Variants in VSIG1 observed in about 807,000 individuals in gnomAD.
VSIG1 encodes V-set and immunoglobulin domain-containing protein 1.
In VSIG1, 11 loss-of-function variants were observed where a neutral mutation model predicts 20.1. The ratio of observed to expected loss-of-function variants is 0.55; its 90% CI spans 0.34 to 0.91. VSIG1 has a LOEUF of 0.91. Ranked by LOEUF, VSIG1 falls within the 40% of genes least tolerant of loss-of-function variation. The probability of loss-of-function intolerance (pLI) is 0.02; values close to 1 mark genes in which losing one functional copy is unlikely to be tolerated. For missense variants in VSIG1, 283 were observed against 298.8 expected, an observed-to-expected ratio of 0.95 and a Z score of 0.39; for synonymous variants, 126 against 116.7, an observed-to-expected ratio of 1.08 and a Z score of -0.52.
At position 108,047,957 on chromosome X, in the gene VSIG1, CACACATATAT is replaced by C. The variant is rs1209350577; in HGVS notation, c.49+2780_49+2789del. Among the ~76,000 whole-genome samples the C allele has an allele frequency of 7.3e-3, 188 of 25,871 alleles. 2 individuals carry two copies. Among genetic ancestry groups the C allele is most frequent in the African/African-American group, 9.5e-3 (35 of 3,679 alleles). The allele number at this position is 25,871 out of a possible 115,157, so 22.5% of individuals were successfully genotyped here. On this transcript the variant is annotated intron_variant, in intron 1 of 6. Coordinates refer to ENST00000217957, the MANE Select transcript of VSIG1 (RefSeq NM_182607.5). ...ATACACATATATATATATATATACA[CACACATATAT>C]ATATATATATATATATATATATATA...
chrX:108,076,275 T>C (rs1268814477), intron 6 of VSIG1, 57 bp downstream of exon 6: 4 of 1,152,493 alleles, frequency 3.5e-6, no homozygotes, highest in Middle Eastern at 2.4e-4. Context: ...GGCATGTCTT[T>C]TTCAGTCATC....
intron 5 of VSIG1, chrX:108,073,764 T>A (rs779549848): frequency 1.4e-4 from 17 of 118,769 alleles, no homozygotes; most frequent in Non-Finnish European, 2.6e-4. Context: ...AATAATAGTA[T>A]TATAATAATA....
chrX:108,020,106 G>A, the VSIG1 span, among the ~76,000 whole-genome samples: 133 of 112,318 alleles, frequency 1.2e-3, no homozygotes, highest in African/African-American at 4.1e-3. Context: ...GTTTTTCCTA[G>A]TGGAGGAGGC....
rs143235655 is a variant in VSIG1, at chrX:108,077,278, C to T, written c.1061C>T (p.Thr354Met). ...LDIELELEPE[T>M]QSELEPEPEP... ...ATCGAGCTGGAGCTGGAGCCAGAAACGCAGTCGGAATTGGAGCCAGAGCCA... is the reference window on the plus strand; with the variant it reads ...ATCGAGCTGGAGCTGGAGCCAGAAATGCAGTCGGAATTGGAGCCAGAGCCA... The change falls in exon 7 of 7, where the codon ACG (threonine) becomes ATG (methionine). Residue 354 changes from threonine to methionine, a missense_variant. Transcript: ENST00000217957. The T allele has an allele frequency of 5.8e-6, 7 of 1,210,272 alleles. No individual in the cohort carries two copies. The highest frequency in any genetic ancestry group is 5.2e-5 in the African/African-American group (3 of 57,173).
At chrX:108,047,943 T>TATATACACACAC (rs2030667980) in intron 1 of VSIG1, among the ~76,000 whole-genome samples, 5 of 33,355 alleles carry the variant, frequency 1.5e-4, no homozygotes, top group Non-Finnish European at 2.3e-4. Flanking sequence ...TACACATATA[T>TATATACACACAC]ATATATATAT....
chrX:108,036,787 TC>T, the VSIG1 span, among the ~76,000 whole-genome samples: 16 of 112,064 alleles, frequency 1.4e-4, no homozygotes, highest in African/African-American at 4.9e-4. Flanking sequence ...TCTGGAGGAC[TC>T]CCAGTAAGAT....
intron 3 of VSIG1, among the ~76,000 whole-genome samples, chrX:108,068,753 C>T (rs1202738054): frequency 8.9e-6 from 1 of 111,770 alleles, no homozygotes; most frequent in East Asian, 2.8e-4. Context: ...AGATCCAAAC[C>T]ATATCAACTA....
chrX:108,026,726 A>T, the VSIG1 span, among the ~76,000 whole-genome samples: 1 of 111,415 alleles, frequency 9.0e-6, no homozygotes, highest in East Asian at 2.8e-4. Flanking sequence ...ACACCTGTTC[A>T]GTCTCAATAT....
chrX:108,058,582 T>A (rs1018912003), intron 2 of VSIG1, among the ~76,000 whole-genome samples: 1 of 111,890 alleles, frequency 8.9e-6, no homozygotes, highest in African/African-American at 3.2e-5. Context: ...CTGATTGATC[T>A]GCAGATCTCT....
chrX:108,072,701 G>A lies in VSIG1; in HGVS notation c.437G>A (p.Ser146Asn), dbSNP rs774380597. ...VLVKPSKPLC[S>N]VQGRPETGHT... ...GTGAAACCTTCTAAGCCCCTTTGTA[G>A]CGTTCAAGGAAGACCAGAAACTGGC... The change falls in exon 4 of 7, where the codon AGC (serine) becomes AAC (asparagine). Residue 146 changes from serine (S) to asparagine (N), a missense_variant. Transcript: ENST00000217957. The A allele has an allele frequency of 2.5e-6, 3 of 1,211,133 alleles. No individual in the cohort carries two copies. The highest frequency in any genetic ancestry group is 3.4e-6 in the Non-Finnish European group (3 of 895,126).
In VSIG1 at chrX:108,078,415, C is replaced by A. The variant is rs1437312995; in HGVS notation, c.*1034C>A. ...GACCAGCCTGGCCAACATGGCGAAA[C>A]CCCTTCTCTACTAAAAATACAAAAA... On this transcript the variant is annotated 3_prime_UTR_variant, in exon 7 of 7. Coordinates refer to ENST00000217957, the MANE Select transcript of VSIG1 (RefSeq NM_182607.5). 1.8e-5 allele frequency: 2 copies of A among 111,638 alleles called. No homozygotes were observed. Among genetic ancestry groups the A allele is most frequent in the African/African-American group, 6.5e-5 (2 of 30,645 alleles). The allele number at this position is 111,638 out of a possible 1,213,427, so 9.2% of individuals were successfully genotyped here.
chrX:108,068,217 G>A (rs1389497435), intron 3 of VSIG1, among the ~76,000 whole-genome samples: 1 of 111,706 alleles, frequency 9.0e-6, no homozygotes, highest in Non-Finnish European at 1.9e-5. Flanking sequence ...AGAGGGAAAG[G>A]TACCTAAGAG....
At chrX:108,036,377 A>G in the VSIG1 span, among the ~76,000 whole-genome samples, 2 of 110,724 alleles carry the variant, frequency 1.8e-5, no homozygotes, top group Non-Finnish European at 3.8e-5. Flanking sequence ...GCAACTGCAC[A>G]TGCCTGTGAT....
the VSIG1 span, among the ~76,000 whole-genome samples, chrX:108,020,476 A>T: frequency 2.7e-5 from 3 of 111,695 alleles, no homozygotes; most frequent in South Asian, 1.1e-3. Flanking sequence ...GAGAGGTTAA[A>T]TATCATCATC....
intron 3 of VSIG1, among the ~76,000 whole-genome samples, chrX:108,068,348 T>C (rs532396276): frequency 1.8e-5 from 2 of 110,993 alleles, no homozygotes; most frequent in Non-Finnish European, 3.8e-5. Flanking sequence ...CCTGGGAGAG[T>C]TTCTGTTTCA....
At chrX:108,021,441 T>C in the VSIG1 span, among the ~76,000 whole-genome samples, 1 of 112,332 alleles carries the variant, frequency 8.9e-6, no homozygotes, top group Non-Finnish European at 1.9e-5. Flanking sequence ...ATAGTACTTA[T>C]ATATTATGGA....
chrX:108,048,754 A>C (rs1455038959), intron 1 of VSIG1, among the ~76,000 whole-genome samples: 1 of 112,432 alleles, frequency 8.9e-6, no homozygotes, highest in Non-Finnish European at 1.9e-5. Context: ...AAATCACTTC[A>C]GATTAATGAA....
At chrX:108,018,973 G>C in the VSIG1 span, among the ~76,000 whole-genome samples, 1 of 111,757 alleles carries the variant, frequency 8.9e-6, no homozygotes, top group Non-Finnish European at 1.9e-5. Flanking sequence ...CTGTTAGTGT[G>C]TCCAGGTAAG....
At position 108,077,301 on chromosome X, in the gene VSIG1, C is replaced by T. The variant is rs780358776; in HGVS notation, c.1084C>T (p.Pro362Ser). 8.3e-7 allele frequency: 1 copy of T among 1,211,624 alleles called. No homozygotes were observed. The highest frequency in any genetic ancestry group is 1.8e-5 in the South Asian group (1 of 56,973). ...AACGCAGTCGGAATTGGAGCCAGAGCCAGAGCCAGAGCCAGAGTCAGAGCC... is the reference window on the plus strand; with the variant it reads ...AACGCAGTCGGAATTGGAGCCAGAGTCAGAGCCAGAGCCAGAGTCAGAGCC... ...PETQSELEPE[P>S]EPEPESEPGV... is the part of the protein sequence containing the mutation. The change falls in exon 7 of 7, where the codon CCA becomes TCA. Residue 362 changes from proline to serine, a missense_variant. Transcript: ENST00000217957.
Sources: allele counts gnomAD v4.1 joint callset (sites outside exome capture counted in the v4.1 genomes callset), GRCh38; gene constraint gnomAD v4.1.1; transcripts MANE v1.5; gene names NCBI Gene and HGNC (gene_info 2026-07-23, HGNC 2026-07-21).